Variants in C9orf152 observed in about 807,000 individuals in gnomAD.
C9orf152 encodes the protein chromosome 9 open reading frame 152.
A neutral mutation model predicts 8.5 loss-of-function variants in C9orf152; 8 were observed. The ratio of observed to expected loss-of-function variants is 0.94; its 90% CI spans 0.55 to 1.70. C9orf152 has a LOEUF of 1.70. Among genes scored for constraint, C9orf152 ranks in the 40% most tolerant of loss-of-function variants. The pLI is 0.00. For synonymous variants in C9orf152, 109 were observed against 113.0 expected (o/e 0.96, Z 0.22); for missense variants, 293 against 286.2 (o/e 1.02, Z -0.17).
chr9:110,206,168 G>A (rs949377419), intron 1 of C9orf152, among the ~76,000 whole-genome samples: 2 of 152,046 alleles, frequency 1.3e-5, no homozygotes, highest in Non-Finnish European at 1.5e-5. Context: ...GGCACTCCTT[G>A]CATGAACCAT....
Position 110,208,002 on chromosome 9 carries a change from G to C in C9orf152, c.-423C>G, listed in dbSNP as rs115892786. ...GAGACCGAGAAGTAAGGGGAGGACT[G>C]GGGGAGCAAAGAGAAAGGCAAGCCC... On this transcript the variant is annotated 5_prime_UTR_variant, in exon 1 of 2. Coordinates refer to ENST00000400613, the MANE Select transcript of C9orf152 (RefSeq NM_001012993.3). The C allele has an allele frequency of 0.015, 2,693 of 183,140 alleles. 80 individuals carry two copies. The highest frequency in any genetic ancestry group is 0.061 in the African/African-American group (2,527 of 41,756). 11.3% of individuals were successfully genotyped at this position (183,140 alleles called of 1,614,324 possible).
rs185470398 is a variant in C9orf152 at position 110,203,866 on chromosome 9, A to C, written c.194-2392T>G. On this transcript the variant is annotated intron_variant, in intron 1 of 1. Transcript: ENST00000400613. The stretch of plus-strand genomic sequence containing the variant: ...GGGATGAAGGAAGCGGGTGGAGAGA[A>C]GAGCGAAGAGAGTGGTAGAGAGACT... Among the ~76,000 whole-genome samples the C allele has an allele frequency of 3.7e-3, 560 of 152,260 alleles. 11 individuals carry two copies. In the South Asian group the frequency reaches 0.039, roughly 11 times the overall value.
At chr9:110,201,515 A>G (rs975968092) in intron 1 of C9orf152, 41 bp from the exon 2 acceptor site, 3 of 1,488,102 alleles carry the variant, frequency 2.0e-6, no homozygotes, top group Non-Finnish European at 2.7e-6. Flanking sequence ...ACTGGAAGGG[A>G]CAGGGGCGGC....
Position 110,201,387 on chromosome 9 carries a change from GCCTCTTCCAGGGA to G in C9orf152, c.268_280del (p.Ser90GlnfsTer72). Reference sequence around the variant, plus strand: ...CAGCCTCCCCTCCACCTCAGAATCTGCCTCTTCCAGGGACAGTGAGCTTCTTCTCTCCTTGTTA... The same window carrying G: ...CAGCCTCCCCTCCACCTCAGAATCTGCAGTGAGCTTCTTCTCTCCTTGTTA... On this transcript the variant is annotated frameshift_variant, in exon 2 of 2. Transcript: ENST00000400613. LOFTEE classifies it low-confidence loss of function (END_TRUNC). 6.3e-7 allele frequency: 1 copy of G among 1,591,442 alleles called. No homozygotes were observed. The highest frequency in any genetic ancestry group is 8.5e-7 in the Non-Finnish European group (1 of 1,170,822).
chr9:110,201,140 G>A lies in C9orf152; in HGVS notation c.528C>T (p.Ala176=), dbSNP rs759890058. ...TQQGTGIPEA[A]QLPCQVGNTQ... is the part of the protein sequence containing the mutation. ...TATTGCCCACCTGGCATGGAAGCTGGGCAGCCTCTGGGATTCCGGTTCCTT... is the reference window on the plus strand; with the variant it reads ...TATTGCCCACCTGGCATGGAAGCTGAGCAGCCTCTGGGATTCCGGTTCCTT... Residue 176 remains alanine (A), a synonymous_variant, in exon 2 of 2, where the codon GCC becomes GCT. Coordinates refer to ENST00000400613, the MANE Select transcript of C9orf152 (RefSeq NM_001012993.3). 3.7e-6 allele frequency: 6 copies of A among 1,614,172 alleles called. No homozygotes were observed. In the East Asian group the frequency reaches 1.3e-4, roughly 36 times the overall value.
At position 110,201,238 on chromosome 9, in the gene C9orf152, G is replaced by A; in HGVS notation, c.430C>T (p.Leu144Phe). 1.2e-6 allele frequency: 2 copies of A among 1,614,116 alleles called. No individual in the cohort carries two copies. The highest frequency in any genetic ancestry group is 2.2e-5 in the East Asian group (1 of 44,858). Residue 144 changes from leucine to phenylalanine, a missense_variant, in exon 2 of 2, where the codon CTT (leucine) becomes TTT (phenylalanine). Physicochemically the swap from Leu to Phe is conservative, Grantham distance 22. Transcript: ENST00000400613. ...GGGAGCCTTTGATCAGATCCCACAA[G>A]CTTGCCCCTATGATGTACTTGATGA... ...TSHQVHHRGK[L>F]VGSDQRLPPE...
chr9:110,202,791 G>T (rs1837237936), intron 1 of C9orf152, among the ~76,000 whole-genome samples: 1 of 152,038 alleles, frequency 6.6e-6, no homozygotes, highest in African/African-American at 2.4e-5. Context: ...GTGACAATGT[G>T]CAGAGCAAGA....
rs1837205040 is a variant in C9orf152 at position 110,200,758 on chromosome 9, T to TG, written c.*189dup. Reference sequence around the variant, plus strand: ...ATCCTAAACTGTGGGCAATTTGGCCTGGGAAGTCTCTTCTTATTGGAAGGG... The same window carrying TG: ...ATCCTAAACTGTGGGCAATTTGGCCTGGGGAAGTCTCTTCTTATTGGAAGGG... On this transcript the variant is annotated 3_prime_UTR_variant, in exon 2 of 2. Coordinates refer to ENST00000400613, the MANE Select transcript of C9orf152 (RefSeq NM_001012993.3). The TG allele has an allele frequency of 1.6e-6, 1 of 614,556 alleles. No individual in the cohort carries two copies. Among genetic ancestry groups the TG allele is most frequent in the African/African-American group, 1.8e-5 (1 of 54,126 alleles). 38.1% of individuals were successfully genotyped at this position (614,556 alleles called of 1,614,324 possible).
At chr9:110,203,303 G>A (rs571745434) in intron 1 of C9orf152, among the ~76,000 whole-genome samples, 6 of 152,120 alleles carry the variant, frequency 3.9e-5, no homozygotes, top group East Asian at 3.9e-4. Flanking sequence ...GATTACAGGC[G>A]TGAGCCACCG....
intron 1 of C9orf152, among the ~76,000 whole-genome samples, chr9:110,202,599 TA>T (rs1368723479): frequency 2.0e-5 from 3 of 152,148 alleles, no homozygotes; most frequent in African/African-American, 7.2e-5. Context: ...GACTTTTTTT[TA>T]AACCACCTAG....
chr9:110,201,435 G>A lies in C9orf152; in HGVS notation c.233C>T (p.Ala78Val). The A allele has an allele frequency of 6.6e-7, 1 of 1,526,134 alleles. No homozygotes were observed. Among genetic ancestry groups the A allele is most frequent in the Non-Finnish European group, 8.7e-7 (1 of 1,144,284 alleles). The allele number at this position is 1,526,134 out of a possible 1,614,324, so 94.5% of individuals were successfully genotyped here. Reference protein sequence around the residue: ...TPAPAESMVNAVWINKERRSS... With the variant: ...TPAPAESMVNVVWINKERRSS... ...TCTTCTCTCCTTGTTAATCCAAACA[G>A]CATTGACCATCGATTCTGCAGGAGC... Residue 78 changes from alanine to valine, a missense_variant, in exon 2 of 2, where the codon GCT (alanine) becomes GTT (valine). By Grantham distance (64) the Ala-to-Val change is moderately conservative. Transcript: ENST00000400613.
chr9:110,206,073 G>T (rs115143386), intron 1 of C9orf152, among the ~76,000 whole-genome samples: 1,586 of 143,126 alleles, frequency 0.011, 33 homozygotes, highest in African/African-American at 0.039. Flanking sequence ...AAAAAAAAAT[G>T]TGGAACTGCA....
Position 110,201,274 on chromosome 9 carries a change from G to A in C9orf152, c.394C>T (p.Gln132Ter). The change falls in exon 2 of 2, where the codon CAG (glutamine) becomes TAG (stop). Residue 132 changes from glutamine to a stop codon, truncating the protein, a stop_gained. Transcript: ENST00000400613. LOFTEE classifies it low-confidence loss of function (END_TRUNC). ...EMHCLVQTSPQDTSHQVHHRG... is the reference protein window; with the variant it reads ...EMHCLVQTSP ...TGATGTACTTGATGACTGGTGTCCT[G>A]GGGGGAGGTTTGGACCAAACAATGC... 1.2e-6 allele frequency: 2 copies of A among 1,613,944 alleles called. No homozygotes were observed. The highest frequency in any genetic ancestry group is 8.5e-7 in the Non-Finnish European group (1 of 1,179,902).
At position 110,201,001 on chromosome 9, in the gene C9orf152, T is replaced by A; in HGVS notation, c.667A>T (p.Thr223Ser). 6.2e-7 allele frequency: 1 copy of A among 1,614,082 alleles called. No homozygotes were observed. The highest frequency in any genetic ancestry group is 8.5e-7 in the Non-Finnish European group (1 of 1,179,984). ...PAYYPFPQRK[T>S]PRISQAARNL... ...CGGGCAGCTTGGGAGATCCTGGGTGTTTTCCTCTGGGGAAATGGATAGTAA... is the reference window on the plus strand; with the variant it reads ...CGGGCAGCTTGGGAGATCCTGGGTGATTTCCTCTGGGGAAATGGATAGTAA... The change falls in exon 2 of 2, where the codon ACA becomes TCA. Residue 223 changes from threonine (T) to serine (S), a missense_variant. Coordinates refer to ENST00000400613, the MANE Select transcript of C9orf152 (RefSeq NM_001012993.3).
chr9:110,200,978 G>C lies in C9orf152; in HGVS notation c.690C>G (p.Ala230=), dbSNP rs751969582. 6.2e-7 allele frequency: 1 copy of C among 1,613,144 alleles called. No individual in the cohort carries two copies. The highest frequency in any genetic ancestry group is 8.5e-7 in the Non-Finnish European group (1 of 1,179,590). The change falls in exon 2 of 2, where the codon GCC becomes GCG. Residue 230 remains alanine, a synonymous_variant. Transcript: ENST00000400613. ...CTGAGCCATATAAGCCCAGGTTCCG[G>C]GCAGCTTGGGAGATCCTGGGTGTTT... The part of the protein sequence containing the change: ...QRKTPRISQA[A]RNLGLYGSA
Position 110,200,793 on chromosome 9 carries a change from G to A in C9orf152, c.*155C>T. 1.3e-6 allele frequency: 1 copy of A among 772,172 alleles called. No homozygotes were observed. The highest frequency in any genetic ancestry group is 1.9e-5 in the South Asian group (1 of 53,206). The allele number at this position is 772,172 out of a possible 1,614,324, so 47.8% of individuals were successfully genotyped here. A position where few individuals can be genotyped will look rare whatever the true frequency, so the allele number is the denominator to read the frequency against. On this transcript the variant is annotated 3_prime_UTR_variant, in exon 2 of 2. Transcript: ENST00000400613. ...CTTCTTATTGGAAGGGTAAAACCAT[G>A]TTACCATTGTGAAGTTCGTCTCCCA...
Position 110,200,961 on chromosome 9 carries a change from T to C in C9orf152, c.707A>G (p.Tyr236Cys), listed in dbSNP as rs751747516. 1.2e-6 allele frequency: 2 copies of C among 1,609,950 alleles called. No homozygotes were observed. Among genetic ancestry groups the C allele is most frequent in the East Asian group, 4.5e-5 (2 of 44,880 alleles). ...GAATAGAAAGCTTCACGCTGAGCCA[T>C]ATAAGCCCAGGTTCCGGGCAGCTTG... ...ISQAARNLGLYGSA is the reference protein window; with the variant it reads ...ISQAARNLGLCGSA Residue 236 changes from tyrosine (Y) to cysteine (C), a missense_variant, in exon 2 of 2, where the codon TAT becomes TGT. By Grantham distance (194) the Tyr-to-Cys change is radical. Transcript: ENST00000400613.
At position 110,207,411 on chromosome 9, in the gene C9orf152, C is replaced by T. The variant is rs750336680; in HGVS notation, c.169G>A (p.Ala57Thr). 5.6e-6 allele frequency: 9 copies of T among 1,612,884 alleles called. 1 individual carries two copies. The South Asian group carries it at 6.6e-5, about 12-fold the overall frequency. ...EGLKRQQRTQ[A>T]HLLVLPKGGN... ...CCTTTTGGAAGCACCAGGAGGTGGGCCTGGGTCCTCTGCTGCCTCTTCAAG... is the reference window on the plus strand; with the variant it reads ...CCTTTTGGAAGCACCAGGAGGTGGGTCTGGGTCCTCTGCTGCCTCTTCAAG... Residue 57 changes from alanine (A) to threonine (T), a missense_variant, in exon 1 of 2, where the codon GCC (alanine) becomes ACC (threonine). Physicochemically the swap from Ala to Thr is moderately conservative, Grantham distance 58 (BLOSUM62 0). Coordinates refer to ENST00000400613, the MANE Select transcript of C9orf152 (RefSeq NM_001012993.3).
intron 1 of C9orf152, 67 bp from the exon 2 acceptor site, chr9:110,201,541 C>A: frequency 7.4e-7 from 1 of 1,352,788 alleles, no homozygotes; most frequent in Non-Finnish European, 9.9e-7. Context: ...CTTAGGGGGT[C>A]TCATTGCTTT....
Sources: allele counts gnomAD v4.1 joint callset (sites outside exome capture counted in the v4.1 genomes callset), GRCh38; gene constraint gnomAD v4.1.1; transcripts MANE v1.5; gene names NCBI Gene and HGNC (gene_info 2026-07-23, HGNC 2026-07-21).